PKP3: variants seen among roughly 807,000 people sequenced by gnomAD.
The protein encoded by PKP3 is plakophilin 3, also known as plakophilin-3.
A neutral mutation model predicts 76.5 loss-of-function variants in PKP3; 66 were observed. The ratio of observed to expected loss-of-function variants is 0.86; its 90% CI spans 0.71 to 1.06. The LOEUF is 1.06. PKP3 is among the 50% of genes least tolerant of loss of function. The probability of loss-of-function intolerance (pLI) is 0.00; values close to 1 mark genes in which losing one functional copy is unlikely to be tolerated. For synonymous variants in PKP3, 638 were observed against 516.5 expected (o/e 1.24, Z -3.19); for missense variants, 1,338 against 1,141.0 (o/e 1.17, Z -2.49).
At chr11:394,868 G>A (rs945788744) in intron 1 of PKP3, among the ~76,000 whole-genome samples, 1 of 152,282 alleles carries the variant, frequency 6.6e-6, no homozygotes, top group African/African-American at 2.4e-5. Flanking sequence ...GCCTGGCCCC[G>A]GTAGCACAGA....
rs1162546276 is a variant in PKP3, at chr11:403,724, GC to G, written c.2032del (p.Leu678SerfsTer20). ...CACCACCAGCTGCGCTCACTGACTG[GC>G]CTCATCCGAAACCTGTCTCGGAACG... Reference protein sequence around the residue: ...ADHHQLRSLTGLIRNLSRNAR... With the variant: ...ADHHQLRSLTXLIRNLSRNAR... On this transcript the variant is annotated frameshift_variant, in exon 10 of 13. Transcript: ENST00000331563. LOFTEE classifies it high-confidence loss of function. The G allele has an allele frequency of 6.2e-7, 1 of 1,609,746 alleles. No individual in the cohort carries two copies. Among genetic ancestry groups the G allele is most frequent in the Non-Finnish European group, 8.5e-7 (1 of 1,179,868 alleles).
At chr11:399,908 C>A in intron 5 of PKP3, 59 bp from the exon 6 acceptor site, 1 of 1,427,800 alleles carries the variant, frequency 7.0e-7, no homozygotes, top group South Asian at 1.3e-5. Flanking sequence ...CACACCATCC[C>A]CAGAAACGCG....
Position 397,432 on chromosome 11 carries a change from A to G in PKP3, c.931A>G (p.Arg311Gly), listed in dbSNP as rs1590353691. The change falls in exon 3 of 13, where the codon AGA becomes GGA. Residue 311 changes from arginine to glycine, a missense_variant. By Grantham distance (125) the Arg-to-Gly change is moderately radical. Transcript: ENST00000331563. ...CTACGGTAGCCACCGAACCCTGCAG[A>G]GACTCAGCAGCGGGTGAGCGGCTGG... ...NSYGSHRTLQ[R>G]LSSGFDDIDL... 2 of 1,612,256 alleles carry G rather than the reference A, an allele frequency of 1.2e-6. No homozygotes were observed.
chr11:400,631 C>T lies in PKP3; in HGVS notation c.1663C>T (p.Arg555Cys), dbSNP rs747365803. ...GCTGCAGCGGCTGGAGGGTCGCGGCCGCAGGGACCTGGCGGGGGCGCCGCC... is the reference window on the plus strand; with the variant it reads ...GCTGCAGCGGCTGGAGGGTCGCGGCTGCAGGGACCTGGCGGGGGCGCCGCC... Reference protein sequence around the residue: ...SALQRLEGRGRRDLAGAPPGE... With the variant: ...SALQRLEGRGCRDLAGAPPGE... The change falls in exon 8 of 13, where the codon CGC (arginine) becomes TGC (cysteine). Residue 555 changes from arginine (R) to cysteine (C), a missense_variant. By Grantham distance (180) the Arg-to-Cys change is radical. Transcript: ENST00000331563. 10 of 1,404,758 alleles carry T rather than the reference C, an allele frequency of 7.1e-6. No individual in the cohort carries two copies. Among genetic ancestry groups the T allele is most frequent in the Middle Eastern group, 5.1e-4 (2 of 3,936 alleles). The allele number at this position is 1,404,758 out of a possible 1,614,324, so 87.0% of individuals were successfully genotyped here.
chr11:399,234 C>T (rs539963461), intron 5 of PKP3, 38 bp downstream of exon 5: 8 of 1,400,094 alleles, frequency 5.7e-6, no homozygotes, highest in Non-Finnish European at 6.7e-6. Flanking sequence ...CCTTCCTCCA[C>T]CTGCGCCCCT....
At chr11:403,516 C>G (rs1590361134) in intron 9 of PKP3, 102 bp from the exon 10 acceptor site, 1 of 1,221,132 alleles carries the variant, frequency 8.2e-7, no homozygotes, top group East Asian at 2.4e-5. Flanking sequence ...CAGAGGCCCC[C>G]CTGAGGGTGG....
chr11:397,371 C>G lies in PKP3; in HGVS notation c.870C>G (p.Asp290Glu). 1 of 1,605,866 alleles carries G rather than the reference C, an allele frequency of 6.2e-7. No individual in the cohort carries two copies. Among genetic ancestry groups the G allele is most frequent in the East Asian group, 2.2e-5 (1 of 44,514 alleles). Residue 290 changes from aspartate to glutamate, a missense_variant, in exon 3 of 13, where the codon GAC (aspartate) becomes GAG (glutamate). By Grantham distance (45) the Asp-to-Glu change is conservative (BLOSUM62 2). Coordinates refer to ENST00000331563, the MANE Select transcript of PKP3 (RefSeq NM_007183.4). ...GCAGCCTCAGCCTCAGCCTGGCTGA[C>G]TCGGGCCACCTGCCGGACGTGCATG... ...SVRSLSLSLA[D>E]SGHLPDVHGF...
At position 397,404 on chromosome 11, in the gene PKP3, C is replaced by G; in HGVS notation, c.903C>G (p.Asn301Lys). 18 of 1,612,030 alleles carry G rather than the reference C, an allele frequency of 1.1e-5. No homozygotes were observed. The highest frequency in any genetic ancestry group is 1.5e-5 in the Non-Finnish European group (18 of 1,179,616). Residue 301 changes from asparagine to lysine, a missense_variant, in exon 3 of 13, where the codon AAC (asparagine) becomes AAG (lysine). Physicochemically the swap from Asn to Lys is moderately conservative, Grantham distance 94. Coordinates refer to ENST00000331563, the MANE Select transcript of PKP3 (RefSeq NM_007183.4). ...ACCTGCCGGACGTGCATGGGTTCAA[C>G]AGCTACGGTAGCCACCGAACCCTGC... Reference protein sequence around the residue: ...SGHLPDVHGFNSYGSHRTLQR... With the variant: ...SGHLPDVHGFKSYGSHRTLQR...
rs1194301371 is a variant in PKP3, at chr11:399,232, C to T, written c.1273+36C>T. On this transcript the variant is annotated intron_variant, in intron 5 of 12. Coordinates refer to ENST00000331563, the MANE Select transcript of PKP3 (RefSeq NM_007183.4). ...TCCCCTCCTCCACCTGTCCTTCCTC[C>T]ACCTGCGCCCCTCTGCCTATCCCCC... The T allele has an allele frequency of 2.1e-6, 3 of 1,419,122 alleles. No individual in the cohort carries two copies. In the African/African-American group the frequency reaches 4.3e-5, roughly 21 times the overall value. 87.9% of individuals were successfully genotyped at this position (1,419,122 alleles called of 1,614,324 possible). A position where few individuals can be genotyped will look rare whatever the true frequency, so the allele number is the denominator to read the frequency against.
upstream of PKP3, chr11:392,610 G>A (rs781228269): frequency 4.6e-5 from 59 of 1,272,376 alleles, no homozygotes; most frequent in South Asian, 1.2e-4. Context: ...AGGCTGCCCC[G>A]CACGCGCCGG....
At chr11:400,172 T>C (rs949495783) in intron 6 of PKP3, 31 bp downstream of exon 6, 1 of 1,503,374 alleles carries the variant, frequency 6.7e-7, no homozygotes, top group African/African-American at 1.4e-5. Flanking sequence ...GGGGTGGGGA[T>C]TGCAGGCGCG....
chr11:400,097 C>G lies in PKP3; in HGVS notation c.1404C>G (p.Asn468Lys). Residue 468 changes from asparagine (N) to lysine (K), a missense_variant, in exon 6 of 13, where the codon AAC becomes AAG. Asn to Lys is a moderately conservative substitution (Grantham distance 94, BLOSUM62 0). Coordinates refer to ENST00000331563, the MANE Select transcript of PKP3 (RefSeq NM_007183.4). ...GAGGPPLIQQ[N>K]ASEAEIFYNA... ...GGGGTCCCCCCCTCATCCAGCAGAA[C>G]GCCTCGGAGGCAGAGATCTTCTACA... The G allele has an allele frequency of 6.3e-7, 1 of 1,593,114 alleles. No individual in the cohort carries two copies. The highest frequency in any genetic ancestry group is 8.5e-7 in the Non-Finnish European group (1 of 1,173,394).
rs1304695873 is a variant in PKP3, at chr11:394,249, G to T, written c.-44G>T. 7 of 1,456,464 alleles carry T rather than the reference G, an allele frequency of 4.8e-6. No individual in the cohort carries two copies. The highest frequency in any genetic ancestry group is 6.3e-6 in the Non-Finnish European group (7 of 1,110,234). The allele number at this position is 1,456,464 out of a possible 1,614,324, so 90.2% of individuals were successfully genotyped here. A position where few individuals can be genotyped will look rare whatever the true frequency, so the allele number is the denominator to read the frequency against. On this transcript the variant is annotated 5_prime_UTR_variant, in exon 1 of 13. Coordinates refer to ENST00000331563, the MANE Select transcript of PKP3 (RefSeq NM_007183.4). ...AGGGACAGGACGTGAAGATAGTTGG[G>T]TTTGGAGGCGGCCGCCAGGCCCAGG...
chr11:400,494 C>A (rs748593362), intron 7 of PKP3, 41 bp from the exon 8 acceptor site: 2 of 1,501,182 alleles, frequency 1.3e-6, no homozygotes, highest in South Asian at 2.6e-5. Flanking sequence ...CCCCGGGCCG[C>A]CGCTCTGACC....
chr11:398,955 C>A, intron 4 of PKP3, 37 bp from the exon 5 acceptor site: 9 of 1,451,466 alleles, frequency 6.2e-6, no homozygotes, highest in Non-Finnish European at 8.4e-6. Flanking sequence ...CATCCATCCA[C>A]ATGCGTCTGT....
At position 400,754 on chromosome 11, in the gene PKP3, C is replaced by G. The variant is rs867663075; in HGVS notation, c.1737+49C>G. On this transcript the variant is annotated intron_variant, in intron 8 of 12. Coordinates refer to ENST00000331563, the MANE Select transcript of PKP3 (RefSeq NM_007183.4). ...GTGGGGTGGGTGCTGCGACCCCGGC[C>G]CCGCTGACCCCGGCCCCGCTCACCC... The G allele has an allele frequency of 5.2e-4, 561 of 1,080,592 alleles. 3 individuals are homozygous for G. In the South Asian group the frequency reaches 0.012, roughly 23 times the overall value. The allele number at this position is 1,080,592 out of a possible 1,614,324, so 66.9% of individuals were successfully genotyped here.
chr11:403,433 G>A (rs1016038930), intron 9 of PKP3, among the ~76,000 whole-genome samples, 170 bp downstream of exon 9: 7 of 152,140 alleles, frequency 4.6e-5, no homozygotes, highest in African/African-American at 1.4e-4. Context: ...TGGAAGTCCT[G>A]CCCTGGGTTT....
chr11:400,461 G>C lies in PKP3; in HGVS notation c.1566+10G>C. On this transcript the variant is annotated intron_variant, in intron 7 of 12. Coordinates refer to ENST00000331563, the MANE Select transcript of PKP3 (RefSeq NM_007183.4). ...CAAATGCGAGGACAAGGTGAGGGGC[G>C]CGGTGTGGAGGAGGGGCCGTGCCCC... The C allele has an allele frequency of 1.3e-6, 2 of 1,536,516 alleles. No individual in the cohort carries two copies. Among genetic ancestry groups the C allele is most frequent in the Non-Finnish European group, 1.8e-6 (2 of 1,140,044 alleles).
rs541914817 is a variant in PKP3, at chr11:404,405, G to A, written c.2358+82G>A. 8.2e-6 allele frequency: 12 copies of A among 1,469,748 alleles called. No homozygotes were observed. The highest frequency in any genetic ancestry group is 7.9e-5 in the South Asian group (7 of 88,212). The allele number at this position is 1,469,748 out of a possible 1,614,324, so 91.0% of individuals were successfully genotyped here. Reference sequence around the variant, plus strand: ...GGGGAGGGTCAGTGAAGAGGCCCATGGGAGGATGGAGACCAGGGACCCAGA... The same window carrying A: ...GGGGAGGGTCAGTGAAGAGGCCCATAGGAGGATGGAGACCAGGGACCCAGA... On this transcript the variant is annotated intron_variant, in intron 12 of 12. Coordinates refer to ENST00000331563, the MANE Select transcript of PKP3 (RefSeq NM_007183.4). The surrounding 1 kb of genome is among the most constrained non-coding windows in gnomAD (Gnocchi z 4.2).
Sources: gnomAD v4.1 joint callset for allele counts (sites outside exome capture counted in the v4.1 genomes callset) on GRCh38, gnomAD v4.1.1 for gene constraint, Gnocchi (gnomAD v3.1) non-coding constraint, MANE v1.5 for transcripts, NCBI Gene and HGNC (gene_info 2026-07-23, HGNC 2026-07-21) for gene names.